Variants in HPSE2 observed in about 807,000 individuals in gnomAD.
HPSE2 encodes heparanase 2 (inactive), also known as inactive heparanase-2.
HPSE2 carries 38 observed loss-of-function variants against 60.5 expected under a neutral mutation model. The ratio of observed to expected loss-of-function variants is 0.63; its 90% CI spans 0.48 to 0.82. The LOEUF (loss-of-function observed/expected upper bound fraction) is 0.82, where lower values mean the gene tolerates loss of function less well. Ranked by LOEUF, HPSE2 falls within the 40% of genes least tolerant of loss-of-function variation. The pLI is 0.00. For synonymous variants in HPSE2, 295 were observed against 293.2 expected (o/e 1.01, Z -0.06); for missense variants, 713 against 740.4 (o/e 0.96, Z 0.43).
chr10:99,292,148 T>C, the HPSE2 span, among the ~76,000 whole-genome samples: 2 of 151,862 alleles, frequency 1.3e-5, no homozygotes, highest in Non-Finnish European at 1.5e-5. Context: ...TAGAAGAGTA[T>C]GAAGGGAGGG....
At chr10:99,257,128 T>C in the HPSE2 span, among the ~76,000 whole-genome samples, 1 of 152,238 alleles carries the variant, frequency 6.6e-6, no homozygotes, top group Non-Finnish European at 1.5e-5. Flanking sequence ...TCCTGTCATC[T>C]TCATAAGCTA....
intron 9 of HPSE2, among the ~76,000 whole-genome samples, chr10:98,529,973 T>C (rs1943081082): frequency 6.6e-6 from 1 of 152,210 alleles, no homozygotes; most frequent in African/African-American, 2.4e-5. Context: ...CCTAAATAGC[T>C]GTAGAGCACT....
chr10:98,639,149 G>A (rs573472134), intron 7 of HPSE2, among the ~76,000 whole-genome samples: 7 of 152,248 alleles, frequency 4.6e-5, no homozygotes, highest in South Asian at 4.1e-4. Flanking sequence ...ACAGCATCAC[G>A]TGTCAGAGAC....
intron 9 of HPSE2, among the ~76,000 whole-genome samples, chr10:98,561,397 A>T (rs184262677): frequency 1.3e-5 from 2 of 152,194 alleles, no homozygotes; most frequent in African/African-American, 2.4e-5. Context: ...ATTAAAAAGT[A>T]AAAAACAGAA....
chr10:99,177,853 T>C (rs914942335), intron 2 of HPSE2, among the ~76,000 whole-genome samples: 14 of 152,112 alleles, frequency 9.2e-5, no homozygotes, highest in African/African-American at 3.1e-4. Flanking sequence ...TATTCTAAAA[T>C]TGACCACATA....
At chr10:99,215,680 T>G (rs1276531397) in intron 2 of HPSE2, among the ~76,000 whole-genome samples, 1 of 152,220 alleles carries the variant, frequency 6.6e-6, no homozygotes, top group Non-Finnish European at 1.5e-5. Flanking sequence ...TCCCATCATA[T>G]GAAATATCCA....
chr10:98,683,728 A>C (rs1417116573), intron 6 of HPSE2, among the ~76,000 whole-genome samples: 1 of 152,052 alleles, frequency 6.6e-6, no homozygotes, highest in Non-Finnish European at 1.5e-5. Context: ...TTTCAGAAGG[A>C]ATGCACAAAA....
In HPSE2 at chr10:98,929,769, A is replaced by C. The variant is rs1009020429; in HGVS notation, c.611-185713T>G. Among the ~76,000 whole-genome samples the C allele has an allele frequency of 9.0e-5, 13 of 144,492 alleles. 1 individual carries two copies. The highest frequency in any genetic ancestry group is 1.4e-4 in the Admixed American group (2 of 14,540). The allele number at this position is 144,492 out of a possible 152,430, so 94.8% of individuals were successfully genotyped here. ...AATCAGCCTAAGTTTGTGTTTGTTT[A>C]AAACAAACAGCCCATGAGCTGAGAA... is the stretch of plus-strand genomic sequence containing the variant. On this transcript the variant is annotated intron_variant, in intron 3 of 11. Coordinates refer to ENST00000370552, the MANE Select transcript of HPSE2 (RefSeq NM_021828.5).
At chr10:98,473,125 A>C (rs966717832) in intron 11 of HPSE2, among the ~76,000 whole-genome samples, 1 of 152,166 alleles carries the variant, frequency 6.6e-6, no homozygotes, top group African/African-American at 2.4e-5. Flanking sequence ...GTGAATTGTA[A>C]TAACAAAATG....
chr10:98,934,069 C>G lies in HPSE2; in HGVS notation c.611-190013G>C, dbSNP rs559437807. 6.6e-4 allele frequency among the ~76,000 whole-genome samples: 95 copies of G among 143,854 alleles called. 5 individuals are homozygous for G. Among genetic ancestry groups the G allele is most frequent in the Non-Finnish European group, 1.3e-3 (87 of 67,154 alleles). 94.4% of individuals were successfully genotyped at this position (143,854 alleles called of 152,430 possible). A position where few individuals can be genotyped will look rare whatever the true frequency, so the allele number is the denominator to read the frequency against. ...TTTTTTATCTTTGTTGGTTGAAAGT[C>G]TGTTTTGTCAGAAACTATGACTGCA... is the stretch of plus-strand genomic sequence containing the variant. On this transcript the variant is annotated intron_variant, in intron 3 of 11. Transcript: ENST00000370552.
chr10:98,471,601 C>G (rs1251071567), intron 11 of HPSE2, among the ~76,000 whole-genome samples: 3 of 152,068 alleles, frequency 2.0e-5, no homozygotes, highest in Non-Finnish European at 4.4e-5. Flanking sequence ...GCTCCATAGA[C>G]TGAAGGGAGC....
intron 3 of HPSE2, among the ~76,000 whole-genome samples, chr10:99,014,737 A>G (rs938828919): frequency 9.9e-5 from 15 of 152,190 alleles, no homozygotes; most frequent in African/African-American, 3.6e-4. Flanking sequence ...TGTCGGTTGC[A>G]TGTATGTCTT....
intron 3 of HPSE2, among the ~76,000 whole-genome samples, chr10:98,909,421 G>C (rs1227026083): frequency 6.6e-6 from 1 of 151,452 alleles, no homozygotes; most frequent in Admixed American, 6.6e-5. Flanking sequence ...CAGAGGTCAG[G>C]AGTTCAAGAC....
At chr10:99,010,833 C>G (rs1311137579) in intron 3 of HPSE2, among the ~76,000 whole-genome samples, 1 of 152,168 alleles carries the variant, frequency 6.6e-6, no homozygotes, top group Non-Finnish European at 1.5e-5. Flanking sequence ...TTTCAGAACA[C>G]TGACAAGTCG....
At chr10:98,840,018 T>C (rs1479822347) in intron 3 of HPSE2, among the ~76,000 whole-genome samples, 1 of 152,234 alleles carries the variant, frequency 6.6e-6, no homozygotes, top group African/African-American at 2.4e-5. Context: ...GATTTTTCTT[T>C]TTTGCAAATA....
At chr10:98,530,206 G>A (rs901105117) in intron 9 of HPSE2, among the ~76,000 whole-genome samples, 5 of 152,124 alleles carry the variant, frequency 3.3e-5, no homozygotes, top group African/African-American at 7.2e-5. Flanking sequence ...TGGGGTTTGC[G>A]CTCTCTCCTG....
chr10:99,296,314 A>T, the HPSE2 span, among the ~76,000 whole-genome samples: 4 of 152,164 alleles, frequency 2.6e-5, no homozygotes, highest in Admixed American at 6.5e-5. Context: ...ATTGAGGACT[A>T]ACTAAAACAG....
intron 3 of HPSE2, among the ~76,000 whole-genome samples, chr10:99,087,886 T>C (rs1216510900): frequency 6.6e-6 from 1 of 152,238 alleles, no homozygotes; most frequent in Non-Finnish European, 1.5e-5. Flanking sequence ...TAGATTTCAA[T>C]TGAATTTCTA....
At chr10:98,488,818 C>A (rs1230650646) in intron 10 of HPSE2, among the ~76,000 whole-genome samples, 1 of 152,210 alleles carries the variant, frequency 6.6e-6, no homozygotes, top group Non-Finnish European at 1.5e-5. Context: ...TCCTGTTGAG[C>A]AAAAGGGATG....
Sources: gnomAD v4.1 joint callset for allele counts (sites outside exome capture counted in the v4.1 genomes callset) on GRCh38, gnomAD v4.1.1 for gene constraint, MANE v1.5 for transcripts, NCBI Gene and HGNC (gene_info 2026-07-23, HGNC 2026-07-21) for gene names.